The following ORC5 variants were observed in gnomAD, a reference collection of about 807,000 sequenced individuals.
ORC5 encodes the protein origin recognition complex subunit 5.
Under a neutral mutation model 58.8 loss-of-function variants are expected in ORC5, and 39 were observed. That is an observed-to-expected ratio of 0.66 (90% CI 0.51 to 0.87). The LOEUF (loss-of-function observed/expected upper bound fraction) is 0.87. ORC5 is among the 40% of genes least tolerant of loss of function. The pLI is 0.00. For synonymous variants in ORC5, 218 were observed against 177.6 expected (o/e 1.23, Z -1.81); for missense variants, 493 against 506.3 (o/e 0.97, Z 0.25).
At chr7:104,182,712 G>C (rs28773535) in intron 8 of ORC5, among the ~76,000 whole-genome samples, 13,183 of 152,204 alleles carry the variant, frequency 0.087, 1,890 homozygotes, top group African/African-American at 0.3. Flanking sequence ...GTGGTCATTT[G>C]ATTTATTCAG....
intron 8 of ORC5, among the ~76,000 whole-genome samples, chr7:104,181,582 A>G (rs951791385): frequency 1.6e-4 from 25 of 152,150 alleles, no homozygotes; most frequent in African/African-American, 6.0e-4. Context: ...TCAGGAGATC[A>G]AGACCATCCT....
chr7:104,180,753 G>C (rs1584508808), intron 8 of ORC5, among the ~76,000 whole-genome samples: 1 of 152,080 alleles, frequency 6.6e-6, no homozygotes, highest in African/African-American at 2.4e-5. Flanking sequence ...ATATTTATAG[G>C]TATGTGTTTA....
In ORC5 at chr7:104,197,770, ATC is replaced by A; in HGVS notation, c.394_395del (p.Asp132TyrfsTer11). 6.3e-7 allele frequency: 1 copy of A among 1,596,344 alleles called. No homozygotes were observed. The highest frequency in any genetic ancestry group is 8.5e-7 in the Non-Finnish European group (1 of 1,172,646). ...ATCCAGGCAAAAGATTTGCTTCCATATCTCTTAGATACTCTGCTTTATCTAGA... is the reference window on the plus strand; with the variant it reads ...ATCCAGGCAAAAGATTTGCTTCCATATCTTAGATACTCTGCTTTATCTAGA... ...IVLDKAEYLR[D>X]MEANLLPGFL... On this transcript the variant is annotated frameshift_variant, in exon 4 of 14. Transcript: ENST00000297431. LOFTEE classifies it high-confidence loss of function.
intron 5 of ORC5, among the ~76,000 whole-genome samples, chr7:104,189,570 T>G (rs188306724): frequency 3.9e-5 from 6 of 152,234 alleles, no homozygotes; most frequent in Middle Eastern, 3.4e-3. Context: ...CAATGACCAA[T>G]GATTTAATCA....
At position 104,191,343 on chromosome 7, in the gene ORC5, A is replaced by T. The variant is rs146666786; in HGVS notation, c.554-2962T>A. Among the ~76,000 whole-genome samples the T allele has an allele frequency of 4.8e-3, 725 of 152,220 alleles. 7 individuals carry two copies. The highest frequency in any genetic ancestry group is 0.016 in the African/African-American group (682 of 41,552). On this transcript the variant is annotated intron_variant, in intron 5 of 13. Transcript: ENST00000297431. ...ATGTAAGAAAAGAGAGATGGAAGGA[A>T]GAGATAAATGATCACAGAGATTAAC...
chr7:104,205,150 C>T (rs1447779188), intron 1 of ORC5, among the ~76,000 whole-genome samples: 4 of 126,436 alleles, frequency 3.2e-5, no homozygotes, highest in Non-Finnish European at 3.1e-5. Flanking sequence ...AGTGCAATGG[C>T]GTGACCTCGG....
chr7:104,150,990 T>A (rs551878085), intron 12 of ORC5, among the ~76,000 whole-genome samples: 14 of 152,130 alleles, frequency 9.2e-5, no homozygotes, highest in Non-Finnish European at 1.9e-4. Flanking sequence ...AGATGGACCA[T>A]GATGCGTAAA....
intron 12 of ORC5, among the ~76,000 whole-genome samples, chr7:104,146,320 T>A (rs1416852789): frequency 6.6e-6 from 1 of 152,210 alleles, no homozygotes; most frequent in Non-Finnish European, 1.5e-5. Context: ...ATGCATTTAT[T>A]CCAGAGAACT....
intron 12 of ORC5, among the ~76,000 whole-genome samples, chr7:104,142,905 C>G (rs796582926): frequency 1.3e-5 from 2 of 152,138 alleles, no homozygotes; most frequent in African/African-American, 4.8e-5. Context: ...CTGCTAAAAC[C>G]CAAGACAAGA....
At chr7:104,194,346 T>C (rs1452665752) in intron 5 of ORC5, among the ~76,000 whole-genome samples, 1 of 152,120 alleles carries the variant, frequency 6.6e-6, no homozygotes, top group African/African-American at 2.4e-5. Flanking sequence ...GGGATAGTGT[T>C]AATGAGGCCA....
rs1799114292 is a variant in ORC5 at position 104,166,793 on chromosome 7, A to G, written c.969T>C (p.Thr323=). The part of the protein sequence containing the change: ...AYLASYNPAR[T]DKRFFLKHHG... The stretch of plus-strand genomic sequence containing the variant: ...TTACCTTAAGAAAAAACCTCTTGTC[A>G]GTTCTTGCTGGATTGTATGAAGCAA... The change falls in exon 10 of 14, where the codon ACT becomes ACC. Residue 323 remains threonine (T), a synonymous_variant. Coordinates refer to ENST00000297431, the MANE Select transcript of ORC5 (RefSeq NM_002553.4). 6 of 1,596,172 alleles carry G rather than the reference A, an allele frequency of 3.8e-6. No homozygotes were observed. Among genetic ancestry groups the G allele is most frequent in the Non-Finnish European group, 3.4e-6 (4 of 1,166,490 alleles).
In ORC5 at chr7:104,207,872, G is replaced by C. The variant is rs1167835220; in HGVS notation, c.33C>G (p.Arg11=). 1.2e-6 allele frequency: 2 copies of C among 1,614,042 alleles called. No individual in the cohort carries two copies. Among genetic ancestry groups the C allele is most frequent in the Non-Finnish European group, 1.7e-6 (2 of 1,180,028 alleles). The change falls in exon 1 of 14, where the codon CGC becomes CGG. Residue 11 remains arginine, a synonymous_variant. Coordinates refer to ENST00000297431, the MANE Select transcript of ORC5 (RefSeq NM_002553.4). ...ACTGCAAGATGGACACTTGAGACTCGCGACAAAGCACCACGTTTTCCAAGT... is the reference window on the plus strand; with the variant it reads ...ACTGCAAGATGGACACTTGAGACTCCCGACAAAGCACCACGTTTTCCAAGT... MPHLENVVLC[R]ESQVSILQSL...
intron 12 of ORC5, among the ~76,000 whole-genome samples, chr7:104,143,877 G>A (rs1448034302): frequency 6.6e-6 from 1 of 152,124 alleles, no homozygotes; most frequent in Non-Finnish European, 1.5e-5. Context: ...CCAGCACTTT[G>A]GGAGGCAGAG....
intron 13 of ORC5, among the ~76,000 whole-genome samples, chr7:104,134,477 C>T (rs1798559172): frequency 6.7e-6 from 1 of 149,782 alleles, no homozygotes; most frequent in Non-Finnish European, 1.5e-5. Flanking sequence ...ACCAGGTGCC[C>T]TATTATCTCA....
intron 8 of ORC5, among the ~76,000 whole-genome samples, chr7:104,183,317 A>G (rs1321829378): frequency 2.0e-5 from 3 of 152,088 alleles, no homozygotes; most frequent in Non-Finnish European, 2.9e-5. Context: ...ACTCCTAGCC[A>G]CCATTCACTC....
intron 4 of ORC5, among the ~76,000 whole-genome samples, chr7:104,196,220 GATCT>G (rs1222798951): frequency 6.6e-6 from 1 of 152,146 alleles, no homozygotes; most frequent in African/African-American, 2.4e-5. Flanking sequence ...AAAACAGGGT[GATCT>G]ACACTGAAAA....
intron 2 of ORC5, among the ~76,000 whole-genome samples, chr7:104,201,981 T>C (rs1799956357): frequency 1.3e-5 from 2 of 152,098 alleles, no homozygotes; most frequent in African/African-American, 4.8e-5. Context: ...TCCCAGCTAC[T>C]TGGGAGGCTG....
chr7:104,201,959 G>A (rs1384598257), intron 2 of ORC5, among the ~76,000 whole-genome samples: 1 of 151,976 alleles, frequency 6.6e-6, no homozygotes, highest in Non-Finnish European at 1.5e-5. Context: ...GCCTGGTGGT[G>A]CACATCTATA....
intron 8 of ORC5, among the ~76,000 whole-genome samples, chr7:104,169,044 T>TGCACTCCAGCCTGGGCGA (rs1281779412): frequency 6.6e-6 from 1 of 152,168 alleles, no homozygotes; most frequent in Non-Finnish European, 1.5e-5. Flanking sequence ...ATTGTGCCAC[T>TGCACTCCAGCCTGGGCGA]GCACTCCAGC....
Sources: allele counts gnomAD v4.1 joint callset (sites outside exome capture counted in the v4.1 genomes callset), GRCh38; gene constraint gnomAD v4.1.1; transcripts MANE v1.5; gene names NCBI Gene and HGNC (gene_info 2026-07-23, HGNC 2026-07-21).